LNX1: variants seen among roughly 807,000 people sequenced by gnomAD.
The protein encoded by LNX1 is E3 ubiquitin-protein ligase LNX.
Under a neutral mutation model 68.4 loss-of-function variants are expected in LNX1, and 54 were observed. The ratio of observed to expected loss-of-function variants is 0.79; its 90% confidence interval spans 0.63 to 0.99. The LOEUF (loss-of-function observed/expected upper bound fraction) is 0.99. Ranked by LOEUF, LNX1 falls within the 50% of genes least tolerant of loss-of-function variation. The pLI is 0.00. For missense variants in LNX1, 906 were observed against 926.4 expected, an observed-to-expected ratio of 0.98 and a Z score of 0.29; for synonymous variants, 336 against 350.0, an observed-to-expected ratio of 0.96 and a Z score of 0.45.
chr4:53,477,459 C>T (rs986543982), intron 8 of LNX1, among the ~76,000 whole-genome samples: 2 of 152,102 alleles, frequency 1.3e-5, no homozygotes, highest in Admixed American at 6.5e-5. Context: ...CTTGGAGCTG[C>T]ACTCTTAAAG....
chr4:53,558,013 C>A, intron 2 of LNX1: 1 of 1,610,094 alleles, frequency 6.2e-7, no homozygotes, highest in Non-Finnish European at 8.5e-7. Flanking sequence ...CTGTCAGCTA[C>A]AAGGGCCCAA....
Position 53,460,903 on chromosome 4 carries a change from G to GATTCT in LNX1, c.2186_*3dup, listed in dbSNP as rs1721928590. 2 of 1,606,740 alleles carry GATTCT rather than the reference G, an allele frequency of 1.2e-6. No homozygotes were observed. The highest frequency in any genetic ancestry group is 1.3e-5 in the African/African-American group (1 of 74,444). Reference sequence around the variant, plus strand: ...TTCTGTTTTCCTCTGACCCATCATTGATTCTATAAAAAAGTGCCAGGCCAA... The same window carrying GATTCT: ...TTCTGTTTTCCTCTGACCCATCATTGATTCTATTCTATAAAAAAGTGCCAGGCCAA... On this transcript the variant is annotated 3_prime_UTR_variant, in exon 11 of 11. Coordinates refer to ENST00000263925, the MANE Select transcript of LNX1 (RefSeq NM_001126328.3).
At chr4:53,532,991 T>C (rs1032289662) in intron 2 of LNX1, among the ~76,000 whole-genome samples, 1 of 152,186 alleles carries the variant, frequency 6.6e-6, no homozygotes, top group African/African-American at 2.4e-5. Flanking sequence ...ATTGTTTTCC[T>C]GGGGTTACAC....
At chr4:53,593,114 G>A (rs1250542971), upstream of LNX1, 4 of 152,216 alleles carry the variant, frequency 2.6e-5, no homozygotes, top group Non-Finnish European at 5.9e-5. Context: ...GAAAAAAAGG[G>A]AGGTAACAAA....
Position 53,464,391 on chromosome 4 carries a change from G to A in LNX1, c.1893-2798C>T, listed in dbSNP as rs540143575. Among the ~76,000 whole-genome samples the A allele has an allele frequency of 6.8e-5, 9 of 131,474 alleles. No individual in the cohort carries two copies. The South Asian group carries it at 7.6e-4, about 11-fold the overall frequency. The allele number at this position is 131,474 out of a possible 152,430, so 86.3% of individuals were successfully genotyped here. A position where few individuals can be genotyped will look rare whatever the true frequency, so the allele number is the denominator to read the frequency against. On this transcript the variant is annotated intron_variant, in intron 9 of 10. Coordinates refer to ENST00000263925, the MANE Select transcript of LNX1 (RefSeq NM_001126328.3). ...GTTTATTGTAGACTAATACTTTATC[G>A]TTAAATAAAAAATGAATTTCTAGAA... is the stretch of plus-strand genomic sequence containing the variant.
intron 1 of LNX1, among the ~76,000 whole-genome samples, chr4:53,631,502 C>T (rs1734269556): frequency 6.6e-6 from 1 of 152,136 alleles, no homozygotes; most frequent in South Asian, 2.1e-4. Context: ...TCCTAGGACA[C>T]TGATCCCAAT....
At chr4:53,568,031 G>A (rs1048709330) in intron 2 of LNX1, among the ~76,000 whole-genome samples, 1 of 152,060 alleles carries the variant, frequency 6.6e-6, no homozygotes, top group Non-Finnish European at 1.5e-5. Context: ...AGGAGTCCAG[G>A]ACCAGATGGA....
chr4:53,562,017 C>T (rs746850375), intron 2 of LNX1, among the ~76,000 whole-genome samples: 2 of 152,174 alleles, frequency 1.3e-5, no homozygotes, highest in Non-Finnish European at 2.9e-5. Flanking sequence ...TCTCTTTTAC[C>T]TTTAAAAGGT....
At chr4:53,571,354 G>A (rs1731155338) in intron 2 of LNX1, among the ~76,000 whole-genome samples, 1 of 152,000 alleles carries the variant, frequency 6.6e-6, no homozygotes, top group Non-Finnish European at 1.5e-5. Context: ...AGCCATCTTG[G>A]ATTATCCAGG....
At chr4:53,625,848 T>TGTGG (rs1442428314) in intron 1 of LNX1, among the ~76,000 whole-genome samples, 1 of 141,458 alleles carries the variant, frequency 7.1e-6, no homozygotes, top group Non-Finnish European at 1.5e-5. Flanking sequence ...CCACCCCGTG[T>TGTGG]GTGTGTGTGT....
chr4:53,596,725 A>G (rs571234637), intron 2 of LNX1, among the ~76,000 whole-genome samples: 1 of 152,168 alleles, frequency 6.6e-6, no homozygotes, highest in South Asian at 2.1e-4. Flanking sequence ...GTTAACTTTG[A>G]CTTCATCCTG....
At chr4:53,593,840 T>C (rs1025918271), upstream of LNX1, 2 of 152,194 alleles carry the variant, frequency 1.3e-5, no homozygotes, top group African/African-American at 2.4e-5. Flanking sequence ...ATTTGCATTC[T>C]ACAGCTGGGA....
chr4:53,522,337 C>A (rs1435768098), intron 2 of LNX1, among the ~76,000 whole-genome samples: 1 of 152,194 alleles, frequency 6.6e-6, no homozygotes, highest in Non-Finnish European at 1.5e-5. Context: ...CCTCTCAATG[C>A]ATTTATTTAT....
chr4:53,548,541 A>T (rs1729269927), intron 2 of LNX1, among the ~76,000 whole-genome samples: 1 of 152,188 alleles, frequency 6.6e-6, no homozygotes, highest in African/African-American at 2.4e-5. Flanking sequence ...AGTCTCTTAA[A>T]GTTCTCCCAT....
At chr4:53,576,381 G>T in intron 1 of LNX1, 2 of 1,576,904 alleles carry the variant, frequency 1.3e-6, no homozygotes, top group Non-Finnish European at 1.7e-6. Context: ...GCAGCCTGCA[G>T]GACTGACCCC....
chr4:53,650,446 T>C (rs569191564), intron 1 of LNX1, among the ~76,000 whole-genome samples: 1 of 152,112 alleles, frequency 6.6e-6, no homozygotes, highest in Admixed American at 6.5e-5. Context: ...AAATAATATA[T>C]TAAGGATAAT....
rs1731481055 is a variant in LNX1 at position 53,576,211 on chromosome 4, G to C, written c.-86-2123C>G. On this transcript the variant is annotated intron_variant, in intron 1 of 10. Coordinates refer to ENST00000263925, the MANE Select transcript of LNX1 (RefSeq NM_001126328.3). ...GGTGGATGTGACAATCTCCACCAGT[G>C]CCCTGGCTCGCTTCCTGCAGCCGAG... The C allele has an allele frequency of 3.8e-6, 6 of 1,597,932 alleles. No homozygotes were observed. The African/African-American group carries it at 5.4e-5, about 14-fold the overall frequency.
chr4:53,562,656 A>G (rs1231642189), intron 2 of LNX1, among the ~76,000 whole-genome samples: 1 of 152,212 alleles, frequency 6.6e-6, no homozygotes, highest in Non-Finnish European at 1.5e-5. Context: ...GTTGGGCAAC[A>G]GGTGCAGAAA....
intron 1 of LNX1, among the ~76,000 whole-genome samples, chr4:53,634,115 A>G (rs1356789140): frequency 1.3e-5 from 2 of 152,212 alleles, no homozygotes; most frequent in African/African-American, 4.8e-5. Flanking sequence ...TGAAGAAGAC[A>G]GGAAATCTCA....
Sources: allele counts gnomAD v4.1 joint callset (sites outside exome capture counted in the v4.1 genomes callset), GRCh38; gene constraint gnomAD v4.1.1; transcripts MANE v1.5; gene names NCBI Gene and HGNC (gene_info 2026-07-23, HGNC 2026-07-21).